Variants in ZNF560 observed in about 807,000 individuals in gnomAD.
The protein encoded by ZNF560 is zinc finger protein 560.
Under a neutral mutation model 81.8 loss-of-function variants are expected in ZNF560, and 54 were observed. That is an observed-to-expected ratio of 0.66 (90% CI 0.53 to 0.83). ZNF560 has a LOEUF of 0.83. Among genes scored for constraint, ZNF560 ranks in the 40% least tolerant of loss-of-function variants. The pLI is 0.00. For synonymous variants in ZNF560, 321 were observed against 317.9 expected, an observed-to-expected ratio of 1.01 and a Z score of -0.10; for missense variants, 940 against 932.4, an observed-to-expected ratio of 1.01 and a Z score of -0.11.
chr19:9,449,454 AAGG>A, the ZNF560 span, among the ~76,000 whole-genome samples: 1 of 152,238 alleles, frequency 6.6e-6, no homozygotes, highest in African/African-American at 2.4e-5. Context: ...GAAATTAATG[AAGG>A]CAAAAAAACA....
intron 2 of ZNF560, among the ~76,000 whole-genome samples, chr19:9,487,895 G>A (rs2073410637): frequency 6.6e-6 from 1 of 152,086 alleles, no homozygotes; most frequent in African/African-American, 2.4e-5. Context: ...TGACAATATG[G>A]AACCTGGAAC....
chr19:9,472,366 G>A (rs535216996), intron 5 of ZNF560, among the ~76,000 whole-genome samples: 17 of 152,258 alleles, frequency 1.1e-4, no homozygotes, highest in African/African-American at 4.1e-4. Flanking sequence ...CCAGAACCAG[G>A]CCACAGCACA....
At chr19:9,496,173 C>T (rs560170690) in intron 2 of ZNF560, among the ~76,000 whole-genome samples, 4 of 152,012 alleles carry the variant, frequency 2.6e-5, no homozygotes, top group East Asian at 3.9e-4. Flanking sequence ...GGAACGTTGC[C>T]GGGGAACAAG....
chr19:9,482,602 G>T (rs2073307520), intron 2 of ZNF560, among the ~76,000 whole-genome samples: 1 of 151,782 alleles, frequency 6.6e-6, no homozygotes, highest in Non-Finnish European at 1.5e-5. Context: ...CTCCAGCACA[G>T]GCAAGAGCAA....
chr19:9,454,274 G>A, the ZNF560 span, among the ~76,000 whole-genome samples: 12 of 152,334 alleles, frequency 7.9e-5, 1 homozygote, highest in East Asian at 1.9e-4. Context: ...GTTTGAGACC[G>A]TCAGCTCTGA....
chr19:9,449,518 TA>T, the ZNF560 span, among the ~76,000 whole-genome samples: 1 of 152,198 alleles, frequency 6.6e-6, no homozygotes, highest in East Asian at 1.9e-4. Flanking sequence ...GAGAAATGTT[TA>T]GAGTGCTAAA....
intron 2 of ZNF560, among the ~76,000 whole-genome samples, chr19:9,476,052 C>T (rs575965376): frequency 1.8e-4 from 28 of 152,278 alleles, no homozygotes; most frequent in Admixed American, 1.0e-3. Context: ...CACACTTCAA[C>T]AACTCAGAAA....
chr19:9,473,258 T>C lies in ZNF560; in HGVS notation c.159A>G (p.Gly53=), dbSNP rs142345731. 1.2e-6 allele frequency: 2 copies of C among 1,606,296 alleles called. No individual in the cohort carries two copies. Among genetic ancestry groups the C allele is most frequent in the African/African-American group, 2.7e-5 (2 of 74,496 alleles). Residue 53 remains glycine (G), a splice_region_variant and synonymous_variant, in exon 5 of 10, where the codon GGA becomes GGG. Coordinates refer to ENST00000301480, the MANE Select transcript of ZNF560 (RefSeq NM_152476.3). ...TGACACTGGGTTTAAAGAGCTGAAATCCTTTACATGAAGAAATGATACATT... is the reference window on the plus strand; with the variant it reads ...TGACACTGGGTTTAAAGAGCTGAAACCCTTTACATGAAGAAATGATACATT... ...LENYENVAKV[G]FQLFKPSVIS...
chr19:9,492,929 A>G (rs1173608246), intron 2 of ZNF560, among the ~76,000 whole-genome samples: 1 of 152,222 alleles, frequency 6.6e-6, no homozygotes, highest in Non-Finnish European at 1.5e-5. Flanking sequence ...TTTGGTCCCA[A>G]TACACTGGAA....
At chr19:9,474,022 C>G (rs1456192223) in intron 4 of ZNF560, among the ~76,000 whole-genome samples, 177 bp downstream of exon 4, 1 of 152,186 alleles carries the variant, frequency 6.6e-6, no homozygotes, top group Non-Finnish European at 1.5e-5. Context: ...AAGGGAGTAA[C>G]AGTGATGCTG....
In ZNF560 at chr19:9,467,835, A is replaced by G. The variant is rs868808987; in HGVS notation, c.1112T>C (p.Ile371Thr). The change falls in exon 10 of 10, where the codon ATT becomes ACT. Residue 371 changes from isoleucine to threonine, a missense_variant. Transcript: ENST00000301480. ...CTTACATTTATAAGGTTTTATCCCA[A>G]TGTGGGTTTGCATGTGATTATTAAG... ...THLNNHMQTH[I>T]GIKPYKCKHC... 1.9e-6 allele frequency: 3 copies of G among 1,614,068 alleles called. No homozygotes were observed. The African/African-American group carries it at 4.0e-5, about 22-fold the overall frequency.
rs756200960 is a variant in ZNF560, at chr19:9,467,151, G to T, written c.1796C>A (p.Pro599Gln). 7 of 1,613,998 alleles carry T rather than the reference G, an allele frequency of 4.3e-6. No individual in the cohort carries two copies. The South Asian group carries it at 6.6e-5, about 15-fold the overall frequency. Residue 599 changes from proline to glutamine, a missense_variant, in exon 10 of 10, where the codon CCA becomes CAA. By Grantham distance (76) the Pro-to-Gln change is moderately conservative. Coordinates refer to ENST00000301480, the MANE Select transcript of ZNF560 (RefSeq NM_152476.3). ...TTTTCCACATTTCTTACATTCATAT[G>T]GCTTCTCTCCACTGTGTCTTCGTAA... ...KHLRRHSGEK[P>Q]YECKKCGKAF...
intron 9 of ZNF560, among the ~76,000 whole-genome samples, 169 bp downstream of exon 9, chr19:9,468,936 G>A (rs974696246): frequency 6.6e-6 from 1 of 151,890 alleles, no homozygotes; most frequent in East Asian, 1.9e-4. Context: ...CACCATATTG[G>A]CCAGGCTGGT....
At chr19:9,458,271 G>C in the ZNF560 span, among the ~76,000 whole-genome samples, 1 of 99,478 alleles carries the variant, frequency 1.0e-5, no homozygotes, top group Non-Finnish European at 2.1e-5. Flanking sequence ...ACATGAAACT[G>C]TTTCAATTTT....
At chr19:9,458,787 T>C in the ZNF560 span, among the ~76,000 whole-genome samples, 1 of 152,244 alleles carries the variant, frequency 6.6e-6, no homozygotes, top group African/African-American at 2.4e-5. Flanking sequence ...CAGCATTACC[T>C]GGAAAGAAGC....
chr19:9,462,711 G>A (rs376738754), downstream of ZNF560, among the ~76,000 whole-genome samples: 14 of 151,440 alleles, frequency 9.2e-5, no homozygotes, highest in Non-Finnish European at 1.3e-4. Flanking sequence ...GCATTTTTCT[G>A]GAATTACAAA....
upstream of ZNF560, among the ~76,000 whole-genome samples, chr19:9,502,206 G>A (rs1472174084): frequency 3.3e-5 from 4 of 122,872 alleles, no homozygotes; most frequent in African/African-American, 6.4e-5. Context: ...GTTTTGTTTC[G>A]GTTTGGTTTG....
chr19:9,475,368 A>T lies in ZNF560; in HGVS notation c.-55T>A, dbSNP rs1377774254. The T allele has an allele frequency of 3.2e-5, 50 of 1,587,196 alleles. No homozygotes were observed. Among genetic ancestry groups the T allele is most frequent in the Non-Finnish European group, 4.3e-6 (5 of 1,158,666 alleles). On this transcript the variant is annotated splice_region_variant and 5_prime_UTR_variant, in exon 3 of 10. Coordinates refer to ENST00000301480, the MANE Select transcript of ZNF560 (RefSeq NM_152476.3). Reference sequence around the variant, plus strand: ...GAAGGCAGATTGGGTTCCTAGAAAGACCTGGAAAAGAAAGAAGGCATAAGA... The same window carrying T: ...GAAGGCAGATTGGGTTCCTAGAAAGTCCTGGAAAAGAAAGAAGGCATAAGA...
At chr19:9,498,764 G>A (rs114338228), upstream of ZNF560, 7,027 of 152,516 alleles carry the variant, frequency 0.046, 224 homozygotes, top group Middle Eastern at 0.088. Context: ...TGCCTGGGTG[G>A]GCAAGAGAGA....
Sources: allele counts gnomAD v4.1 joint callset (sites outside exome capture counted in the v4.1 genomes callset), GRCh38; gene constraint gnomAD v4.1.1; transcripts MANE v1.5; gene names NCBI Gene and HGNC (gene_info 2026-07-23, HGNC 2026-07-21).